FHAD1: variants seen among roughly 807,000 people sequenced by gnomAD.
The protein encoded by FHAD1 is forkhead-associated domain-containing protein 1.
A neutral mutation model predicts 191.3 loss-of-function variants in FHAD1; 146 were observed. That is an observed-to-expected ratio of 0.76 (90% CI 0.67 to 0.88). The LOEUF (loss-of-function observed/expected upper bound fraction) is 0.88. Among genes scored for constraint, FHAD1 ranks in the 40% least tolerant of loss-of-function variants. The probability of loss-of-function intolerance (pLI) is 0.00; values close to 1 mark genes in which losing one functional copy is unlikely to be tolerated. For synonymous variants in FHAD1, 616 were observed against 672.3 expected (o/e 0.92, Z 1.29); for missense variants, 1,635 against 1,785.8 (o/e 0.92, Z 1.52).
intron 1 of FHAD1, among the ~76,000 whole-genome samples, chr1:15,241,555 T>C (rs4661328): frequency 0.74 from 112,975 of 151,992 alleles, 42,305 homozygotes; most frequent in African/African-American, 0.82. Flanking sequence ...GAGGCTGAGG[T>C]AGGAGAATCA....
chr1:15,293,513 T>TTC (rs1220940913), intron 4 of FHAD1, among the ~76,000 whole-genome samples: 19 of 151,884 alleles, frequency 1.3e-4, no homozygotes, highest in Non-Finnish European at 2.6e-4. Context: ...AGGTCGGGAG[T>TTC]CTGAGACCAG....
intron 17 of FHAD1, 37 bp downstream of exon 17, chr1:15,345,227 C>T (rs1210755332): frequency 1.3e-6 from 2 of 1,515,900 alleles, no homozygotes; most frequent in South Asian, 2.4e-5. Context: ...GCTCGAGCCC[C>T]ACTGCAGCTA....
intron 5 of FHAD1, 49 bp from the exon 6 acceptor site, chr1:15,301,156 T>TCACACCTAGGCC: frequency 5.3e-6 from 8 of 1,507,182 alleles, no homozygotes; most frequent in Non-Finnish European, 6.3e-6. Context: ...GGGCTCAGCC[T>TCACACCTAGGCC]CACACCTAGG....
intron 11 of FHAD1, chr1:15,326,848 G>T: frequency 1.9e-6 from 1 of 534,154 alleles, no homozygotes; most frequent in Non-Finnish European, 3.4e-6. Flanking sequence ...TTAGGCAGGC[G>T]TGCCTAAAAA....
chr1:15,293,155 C>T (rs955521316), intron 4 of FHAD1, among the ~76,000 whole-genome samples: 7 of 152,152 alleles, frequency 4.6e-5, no homozygotes, highest in African/African-American at 7.2e-5. Flanking sequence ...ACACTCACTA[C>T]GTTTTGACAA....
intron 24 of FHAD1, among the ~76,000 whole-genome samples, chr1:15,367,107 C>T (rs1296620111): frequency 6.6e-6 from 1 of 152,116 alleles, no homozygotes; most frequent in Non-Finnish European, 1.5e-5. Context: ...GCCAAGTTCA[C>T]GGGAGATGTT....
Position 15,317,702 on chromosome 1 carries a change from C to G in FHAD1, c.1261-122C>G. On this transcript the variant is annotated intron_variant, in intron 9 of 33. Coordinates refer to ENST00000688493, the MANE Select transcript of FHAD1 (RefSeq NM_001391957.1). ...GGAGAAGGAATTAAATAAGCTGATA[C>G]CAGACAAGGTTTCCACCTTAATGGA... 4 of 633,572 alleles carry G rather than the reference C, an allele frequency of 6.3e-6. No individual in the cohort carries two copies. The Admixed American group carries it at 1.2e-4, about 19-fold the overall frequency. 39.2% of individuals were successfully genotyped at this position (633,572 alleles called of 1,614,324 possible).
intron 18 of FHAD1, among the ~76,000 whole-genome samples, chr1:15,345,801 C>T (rs566227347): frequency 5.9e-5 from 9 of 152,230 alleles, no homozygotes; most frequent in East Asian, 3.9e-4. Flanking sequence ...GTGACATGGG[C>T]GTCTTCTGTG....
At chr1:15,267,314 T>G (rs79221844) in intron 2 of FHAD1, among the ~76,000 whole-genome samples, 1 of 152,240 alleles carries the variant, frequency 6.6e-6, no homozygotes, top group Non-Finnish European at 1.5e-5. Context: ...CACTTAGTTG[T>G]GGTGTATAAT....
upstream of FHAD1, among the ~76,000 whole-genome samples, chr1:15,244,633 G>A (rs557156010): frequency 6.6e-6 from 1 of 152,194 alleles, no homozygotes; most frequent in Non-Finnish European, 1.5e-5. This position sits in a 1 kb window ranked among gnomAD's most constrained non-coding sequence, Gnocchi z 5.1. Flanking sequence ...CTTCAGAAGG[G>A]TGGCAGGGGC....
chr1:15,391,852 C>A (rs964529831), intron 33 of FHAD1, among the ~76,000 whole-genome samples: 1 of 152,156 alleles, frequency 6.6e-6, no homozygotes, highest in African/African-American at 2.4e-5. Context: ...GAGAGTGTCC[C>A]CAGGGTCCCC....
intron 22 of FHAD1, among the ~76,000 whole-genome samples, chr1:15,361,916 A>G (rs1694933621): frequency 6.6e-6 from 1 of 151,878 alleles, no homozygotes. Context: ...AGACAGGAGA[A>G]TCGCTTGAAC....
intron 4 of FHAD1, among the ~76,000 whole-genome samples, chr1:15,294,241 CA>C (rs1666134282): frequency 6.6e-6 from 1 of 152,208 alleles, no homozygotes; most frequent in Admixed American, 6.5e-5. Context: ...ACTCTTCAAA[CA>C]AAATGGTTTT....
At chr1:15,349,207 G>A (rs1689970511) in intron 19 of FHAD1, 58 bp downstream of exon 19, 1 of 1,317,838 alleles carries the variant, frequency 7.6e-7, no homozygotes, top group African/African-American at 1.5e-5. Context: ...AGATCCCTGG[G>A]AGAGTACAGT....
chr1:15,271,299 C>A (rs1020074937), intron 2 of FHAD1, among the ~76,000 whole-genome samples: 1 of 152,132 alleles, frequency 6.6e-6, no homozygotes, highest in Non-Finnish European at 1.5e-5. Flanking sequence ...GGTGACGGAG[C>A]GAGACTCTGT....
chr1:15,386,894 G>A (rs1054210784), intron 31 of FHAD1, among the ~76,000 whole-genome samples: 5 of 139,304 alleles, frequency 3.6e-5, no homozygotes, highest in African/African-American at 8.6e-5. Context: ...ACAGAGTTTC[G>A]CTCTGTTGCC....
rs562645713 is a variant in FHAD1 at position 15,303,337 on chromosome 1, T to G, written c.915+1896T>G. Among the ~76,000 whole-genome samples, 4 of 152,354 alleles carry G rather than the reference T, an allele frequency of 2.6e-5. No homozygotes were observed. The South Asian group carries it at 8.3e-4, about 32-fold the overall frequency. ...TCTAACTCCTTGAGGAGCCTCTTTC[T>G]CTTCTCATCTGAACCCAGTTTTGCA... On this transcript the variant is annotated intron_variant, in intron 6 of 33. Coordinates refer to ENST00000688493, the MANE Select transcript of FHAD1 (RefSeq NM_001391957.1).
At chr1:15,371,383 A>G (rs1698043976) in intron 26 of FHAD1, among the ~76,000 whole-genome samples, 1 of 152,218 alleles carries the variant, frequency 6.6e-6, no homozygotes, top group Non-Finnish European at 1.5e-5. Context: ...ACTGCAAGAT[A>G]AAAGGGAAAA....
intron 16 of FHAD1, among the ~76,000 whole-genome samples, chr1:15,342,474 C>G (rs1687134480): frequency 6.6e-6 from 1 of 152,174 alleles, no homozygotes; most frequent in Non-Finnish European, 1.5e-5. Context: ...GTCTGCAGAT[C>G]CACATTTTCT....
Sources: allele counts gnomAD v4.1 joint callset (sites outside exome capture counted in the v4.1 genomes callset), GRCh38; gene constraint gnomAD v4.1.1; non-coding constraint Gnocchi (gnomAD v3.1); transcripts MANE v1.5; gene names NCBI Gene and HGNC (gene_info 2026-07-23, HGNC 2026-07-21).